The following PCDH10 variants were observed in gnomAD, a reference collection of about 807,000 sequenced individuals.
PCDH10 encodes the protein protocadherin-10.
Under a neutral mutation model 74.4 loss-of-function variants are expected in PCDH10, and 15 were observed. The ratio of observed to expected loss-of-function variants is 0.20; its 90% confidence interval spans 0.13 to 0.31. The LOEUF (loss-of-function observed/expected upper bound fraction) is 0.31. Among genes scored for constraint, PCDH10 ranks in the 10% least tolerant of loss-of-function variants. The pLI, the probability that PCDH10 is intolerant of heterozygous loss-of-function variation, is 1.00. For synonymous variants in PCDH10, 619 were observed against 589.8 expected, an observed-to-expected ratio of 1.05 and a Z score of -0.72; for missense variants, 1,260 against 1,390.2, an observed-to-expected ratio of 0.91 and a Z score of 1.49.
downstream of PCDH10, among the ~76,000 whole-genome samples, chr4:133,195,661 T>C (rs150646426): frequency 1.3e-5 from 2 of 152,166 alleles, no homozygotes; most frequent in Non-Finnish European, 2.9e-5. Flanking sequence ...GAAGAAAATA[T>C]TAAATCATCA....
At chr4:133,163,748 G>A (rs1250680399) in intron 4 of PCDH10, 7 of 337,856 alleles carry the variant, frequency 2.1e-5, no homozygotes, top group African/African-American at 4.4e-5. Context: ...TCCATCCTAC[G>A]TAATGTTTTA....
chr4:133,156,648 A>G (rs1726869729), intron 3 of PCDH10, among the ~76,000 whole-genome samples: 1 of 152,228 alleles, frequency 6.6e-6, no homozygotes, highest in African/African-American at 2.4e-5. Context: ...AAAATGTTTA[A>G]TGTTTTAAAG....
At position 133,152,676 on chromosome 4, in the gene PCDH10, A is replaced by G. The variant is rs1726759041; in HGVS notation, c.2536A>G (p.Thr846Ala). 3 of 1,614,198 alleles carry G rather than the reference A, an allele frequency of 1.9e-6. No homozygotes were observed. Among genetic ancestry groups the G allele is most frequent in the Middle Eastern group, 1.6e-4 (1 of 6,062 alleles). Residue 846 changes from threonine to alanine, a missense_variant, in exon 1 of 5, where the codon ACG becomes GCG. Thr to Ala is a moderately conservative substitution (Grantham distance 58). Transcript: ENST00000264360. ...TAAGCCCTGCAGCCCTTCGCGGAGTACGGACACTGAGCACAACCCCTGCGG... is the reference window on the plus strand; with the variant it reads ...TAAGCCCTGCAGCCCTTCGCGGAGTGCGGACACTGAGCACAACCCCTGCGG... ...FLKPCSPSRS[T>A]DTEHNPCGAI...
At position 133,199,884 on chromosome 4, in the gene PCDH10, G is replaced by A. The variant is rs182671285; in HGVS notation, n.438-8192G>A. Among the ~76,000 whole-genome samples, 1,025 of 150,440 alleles carry A rather than the reference G, an allele frequency of 6.8e-3. 12 individuals carry two copies. Among genetic ancestry groups the A allele is most frequent in the Middle Eastern group, 0.053 (15 of 284 alleles). ...CTGATCTCGGCTCACTGCAAGTTCCGCCTCCCGAGTTCACGCCATTCTGCT... is the reference window on the plus strand; with the variant it reads ...CTGATCTCGGCTCACTGCAAGTTCCACCTCCCGAGTTCACGCCATTCTGCT... On this transcript the variant is annotated intron_variant and non_coding_transcript_variant, in intron 2 of 2. Transcript: ENST00000511112.
Position 133,149,958 on chromosome 4 carries a change from G to C in PCDH10, c.-183G>C. The stretch of plus-strand genomic sequence containing the variant: ...CTAAGATTTAAAAAAAAATGAGGCT[G>C]GATTGCGGGAAGCTCTAAAATGAAG... On this transcript the variant is annotated 5_prime_UTR_variant, in exon 1 of 5. Transcript: ENST00000264360. 1.3e-6 allele frequency: 1 copy of C among 761,748 alleles called. No individual in the cohort carries two copies. Among genetic ancestry groups the C allele is most frequent in the Non-Finnish European group, 1.9e-6 (1 of 530,844 alleles). 47.2% of individuals were successfully genotyped at this position (761,748 alleles called of 1,614,324 possible).
rs1222134856 is a variant in PCDH10, at chr4:133,149,784, C to G, written c.-357C>G. 1 of 179,374 alleles carries G rather than the reference C, an allele frequency of 5.6e-6. No individual in the cohort carries two copies. The highest frequency in any genetic ancestry group is 5.8e-5 in the Admixed American group (1 of 17,218). 11.1% of individuals were successfully genotyped at this position (179,374 alleles called of 1,614,324 possible). On this transcript the variant is annotated 5_prime_UTR_variant, in exon 1 of 5. Coordinates refer to ENST00000264360, the MANE Select transcript of PCDH10 (RefSeq NM_032961.3). ...AGCAAGAAGACAAACCGAGGACAGT[C>G]TTGAAATATCGAAATTTCCTCTTTG... is the stretch of plus-strand genomic sequence containing the variant.
intron 4 of PCDH10, among the ~76,000 whole-genome samples, chr4:133,173,549 T>C (rs2420156): frequency 1 from 152,073 of 152,076 alleles, 76,035 homozygotes; most frequent in Middle Eastern, 1. Context: ...TATTTTCCCA[T>C]GAAATGCCTT....
chr4:133,206,359 C>G (rs1330645842), intron 2 of PCDH10, among the ~76,000 whole-genome samples: 1 of 152,092 alleles, frequency 6.6e-6, no homozygotes, highest in Non-Finnish European at 1.5e-5. Flanking sequence ...GTCTCTTAAC[C>G]GGAGGGAATA....
Position 133,191,453 on chromosome 4 carries a change from T to G in PCDH10, c.*1293T>G, listed in dbSNP as rs922807458. ...TTGTTTCAGTATTCCATGTGAAAAT[T>G]TTATAGCTTAAATGTAGTCAGTGTT... is the stretch of plus-strand genomic sequence containing the variant. On this transcript the variant is annotated 3_prime_UTR_variant, in exon 5 of 5. Coordinates refer to ENST00000264360, the MANE Select transcript of PCDH10 (RefSeq NM_032961.3). The G allele has an allele frequency of 6.6e-6, 1 of 152,156 alleles. No individual in the cohort carries two copies. Among genetic ancestry groups the G allele is most frequent in the Admixed American group, 6.6e-5 (1 of 15,186 alleles). 9.4% of individuals were successfully genotyped at this position (152,156 alleles called of 1,614,324 possible). A position where few individuals can be genotyped will look rare whatever the true frequency, so the allele number is the denominator to read the frequency against.
At chr4:133,184,410 G>T (rs1727486259) in intron 4 of PCDH10, among the ~76,000 whole-genome samples, 2 of 151,896 alleles carry the variant, frequency 1.3e-5, no homozygotes, top group South Asian at 4.1e-4. Flanking sequence ...ATCAGTTGAG[G>T]CCAGAAGTTC....
At position 133,191,043 on chromosome 4, in the gene PCDH10, G is replaced by C. The variant is rs1025303069; in HGVS notation, c.*883G>C. The C allele has an allele frequency of 6.6e-6, 1 of 152,272 alleles. No homozygotes were observed. The highest frequency in any genetic ancestry group is 2.4e-5 in the African/African-American group (1 of 41,394). 9.4% of individuals were successfully genotyped at this position (152,272 alleles called of 1,614,324 possible). Reference sequence around the variant, plus strand: ...GTAGCTATTGATGTTATCAGACAGAGCACTGACTATGTACTATCAAACTAT... The same window carrying C: ...GTAGCTATTGATGTTATCAGACAGACCACTGACTATGTACTATCAAACTAT... On this transcript the variant is annotated 3_prime_UTR_variant, in exon 5 of 5. Transcript: ENST00000264360.
In PCDH10 at chr4:133,152,025, T is replaced by C. The variant is rs902262595; in HGVS notation, c.1885T>C (p.Phe629Leu). Residue 629 changes from phenylalanine (F) to leucine (L), a missense_variant, in exon 1 of 5, where the codon TTT (phenylalanine) becomes CTT (leucine). Phe to Leu is a conservative substitution (Grantham distance 22). Around this residue, in one of 11 missense-constraint regions of PCDH10, gnomAD observed 587 missense variants for 616.9 expected, o/e 0.95. Transcript: ENST00000264360. ...SIVRGNEMNL[F>L]RMDWRTGELR... Reference sequence around the variant, plus strand: ...CGTGCGTGGCAACGAAATGAACCTCTTTCGCATGGACTGGCGCACCGGGGA... The same window carrying C: ...CGTGCGTGGCAACGAAATGAACCTCCTTCGCATGGACTGGCGCACCGGGGA... The C allele has an allele frequency of 4.3e-6, 7 of 1,612,490 alleles. No homozygotes were observed. The highest frequency in any genetic ancestry group is 5.9e-6 in the Non-Finnish European group (7 of 1,179,742).
chr4:133,153,277 T>C, intron 1 of PCDH10: 4 of 1,008,444 alleles, frequency 4.0e-6, no homozygotes, highest in Non-Finnish European at 4.8e-6. Flanking sequence ...GAATTCATGT[T>C]TTAGTGAACA....
In PCDH10 at chr4:133,163,999, A is replaced by G. The variant is rs1264964543; in HGVS notation, c.3103+717A>G. 1.5e-5 allele frequency: 7 copies of G among 454,706 alleles called. No homozygotes were observed. The East Asian group carries it at 4.2e-4, about 27-fold the overall frequency. The allele number at this position is 454,706 out of a possible 1,614,324, so 28.2% of individuals were successfully genotyped here. ...CTGGACATAGATAAAGCAAATAGAC[A>G]AGTGTTATATGCTTAAAGGAATGGT... On this transcript the variant is annotated intron_variant, in intron 4 of 4. Transcript: ENST00000264360.
Position 133,190,480 on chromosome 4 carries a change from C to A in PCDH10, c.*320C>A, listed in dbSNP as rs772260223. The A allele has an allele frequency of 1.7e-5, 5 of 302,008 alleles. No individual in the cohort carries two copies. Among genetic ancestry groups the A allele is most frequent in the Non-Finnish European group, 2.4e-5 (4 of 164,058 alleles). 18.7% of individuals were successfully genotyped at this position (302,008 alleles called of 1,614,324 possible). On this transcript the variant is annotated 3_prime_UTR_variant, in exon 5 of 5. Transcript: ENST00000264360. ...GCCCTTTAGATGTTTATATTCACCA[C>A]GAGAAGCCAGTCATAAAGATAAAGG...
At chr4:133,161,632 T>G (rs1726972849) in intron 3 of PCDH10, among the ~76,000 whole-genome samples, 1 of 151,992 alleles carries the variant, frequency 6.6e-6, no homozygotes, top group Non-Finnish European at 1.5e-5. Flanking sequence ...TAAAAAATGT[T>G]TTTCCAGACT....
chr4:133,188,133 G>A (rs1366037447), intron 4 of PCDH10, among the ~76,000 whole-genome samples: 2 of 152,088 alleles, frequency 1.3e-5, no homozygotes, highest in Non-Finnish European at 2.9e-5. Flanking sequence ...TATTTTGAAA[G>A]GAGTAATATT....
chr4:133,203,042 C>T (rs1057080601), intron 2 of PCDH10, among the ~76,000 whole-genome samples: 1 of 152,104 alleles, frequency 6.6e-6, no homozygotes, highest in South Asian at 2.1e-4. Flanking sequence ...ATGCTGATTT[C>T]ATGACCCAAG....
In PCDH10 at chr4:133,189,441, A is replaced by G. The variant is rs147471267; in HGVS notation, c.3104-700A>G. ...TAAAATTATGAAATCTGGGCAATCA[A>G]ATCTGGGCATTCTGCTTTGTAATTT... On this transcript the variant is annotated intron_variant, in intron 4 of 4. Coordinates refer to ENST00000264360, the MANE Select transcript of PCDH10 (RefSeq NM_032961.3). Among the ~76,000 whole-genome samples the G allele has an allele frequency of 8.2e-3, 1,252 of 152,172 alleles. 19 individuals carry two copies. Among genetic ancestry groups the G allele is most frequent in the African/African-American group, 0.029 (1,196 of 41,546 alleles).
Sources: gnomAD v4.1 joint callset for allele counts (sites outside exome capture counted in the v4.1 genomes callset) on GRCh38, gnomAD v4.1.1 for gene constraint, gnomAD v4.1.1 regional missense constraint, MANE v1.5 for transcripts, NCBI Gene and HGNC (gene_info 2026-07-23, HGNC 2026-07-21) for gene names.